The following SNX31 variants were observed in gnomAD, a reference collection of about 807,000 sequenced individuals.
The protein encoded by SNX31 is sorting nexin 31.
A neutral mutation model predicts 65.4 loss-of-function variants in SNX31; 58 were observed. That is an observed-to-expected ratio of 0.89 (90% CI 0.72 to 1.10). SNX31 has a LOEUF of 1.10. Among genes scored for constraint, SNX31 ranks in the 50% least tolerant of loss-of-function variants. SNX31 has a pLI of 0.00. For synonymous variants in SNX31, 181 were observed against 190.1 expected (o/e 0.95, Z 0.39); for missense variants, 523 against 529.7 (o/e 0.99, Z 0.12).
intron 12 of SNX31, among the ~76,000 whole-genome samples, 168 bp downstream of exon 12, chr8:100,583,943 T>C (rs1813788383): frequency 6.6e-6 from 1 of 152,240 alleles, no homozygotes; most frequent in Non-Finnish European, 1.5e-5. Context: ...CCTGCCATCC[T>C]GACCACTGAG....
chr8:100,651,182 T>C (rs2131309569), upstream of SNX31, among the ~76,000 whole-genome samples: 1 of 152,316 alleles, frequency 6.6e-6, no homozygotes, highest in African/African-American at 2.4e-5. Flanking sequence ...GAAATCATGT[T>C]AATAACTCTA....
At position 100,573,826 on chromosome 8, in the gene SNX31, G is replaced by A. The variant is rs764029476; in HGVS notation, c.*39C>T. On this transcript the variant is annotated 3_prime_UTR_variant, in exon 14 of 14. Transcript: ENST00000311812. ...TCCCCAAGTTCTTTCACTGTCTTGA[G>A]ATAGCCTCCAAGGATATTTTAAAAT... 9 of 1,408,688 alleles carry A rather than the reference G, an allele frequency of 6.4e-6. No homozygotes were observed. In the Admixed American group the frequency reaches 1.5e-4, roughly 23 times the overall value. The allele number at this position is 1,408,688 out of a possible 1,614,324, so 87.3% of individuals were successfully genotyped here.
At chr8:100,591,479 A>G (rs1208269179) in intron 10 of SNX31, among the ~76,000 whole-genome samples, 1 of 124,004 alleles carries the variant, frequency 8.1e-6, no homozygotes, top group Non-Finnish European at 1.6e-5. Flanking sequence ...ACAGAGTGAG[A>G]CTCCGTCTCA....
rs1341089528 is a variant in SNX31, at chr8:100,610,122, C to T, written c.612-1559G>A. On this transcript the variant is annotated intron_variant, in intron 7 of 13. Transcript: ENST00000311812. The surrounding 1 kb of genome is among the most constrained non-coding windows in gnomAD (Gnocchi z 4.0). ...TCAGCTCTGACAATAGAAGTGGAAC[C>T]TCCTTTCTTCCCAGTTCCCATCAAC... 6.6e-6 allele frequency among the ~76,000 whole-genome samples: 1 copy of T among 152,200 alleles called. No homozygotes were observed. Among genetic ancestry groups the T allele is most frequent in the East Asian group, 1.9e-4 (1 of 5,200 alleles).
chr8:100,616,844 C>T (rs1040899886), intron 5 of SNX31, among the ~76,000 whole-genome samples: 7 of 152,192 alleles, frequency 4.6e-5, no homozygotes, highest in Admixed American at 6.5e-5. Context: ...AGCACAAGAA[C>T]GTTCTGTCCT....
chr8:100,617,739 A>G lies in SNX31; in HGVS notation c.322-9T>C. 4 of 1,584,806 alleles carry G rather than the reference A, an allele frequency of 2.5e-6. No individual in the cohort carries two copies. Among genetic ancestry groups the G allele is most frequent in the Non-Finnish European group, 3.4e-6 (4 of 1,167,294 alleles). ...GCGATGTCAAATGTATTCTATAAGCAAAAGAAAAGCAAAATAAATTTCCAC... is the reference window on the plus strand; with the variant it reads ...GCGATGTCAAATGTATTCTATAAGCGAAAGAAAAGCAAAATAAATTTCCAC... On this transcript the variant is annotated splice_polypyrimidine_tract_variant and intron_variant, in intron 4 of 13. Coordinates refer to ENST00000311812, the MANE Select transcript of SNX31 (RefSeq NM_152628.4).
chr8:100,618,090 C>G, intron 4 of SNX31: 1 of 985,368 alleles, frequency 1.0e-6, no homozygotes, highest in Non-Finnish European at 1.2e-6. Flanking sequence ...TAAAGCTGCA[C>G]CATTGCAGCA....
chr8:100,596,400 C>T (rs961951133), intron 10 of SNX31, among the ~76,000 whole-genome samples: 2 of 152,072 alleles, frequency 1.3e-5, no homozygotes, highest in Admixed American at 1.3e-4. Flanking sequence ...ACCCTTCAAG[C>T]AGTAGGGAGG....
chr8:100,658,057 T>TA (rs975959626), intron 1 of SNX31, among the ~76,000 whole-genome samples: 5 of 152,048 alleles, frequency 3.3e-5, no homozygotes. Flanking sequence ...TGGGAAGCTT[T>TA]AAAAAAATGC....
intron 10 of SNX31, among the ~76,000 whole-genome samples, chr8:100,591,041 T>C (rs2130864383): frequency 6.6e-6 from 1 of 152,250 alleles, no homozygotes; most frequent in Admixed American, 6.5e-5. Flanking sequence ...TTGGAATTTG[T>C]GGTGCAGAAT....
chr8:100,577,617 G>A (rs1160111711), intron 12 of SNX31, among the ~76,000 whole-genome samples: 1 of 152,208 alleles, frequency 6.6e-6, no homozygotes, highest in Non-Finnish European at 1.5e-5. Context: ...ATGGAGGTGT[G>A]GGCAGGATTA....
intron 1 of SNX31, among the ~76,000 whole-genome samples, chr8:100,661,563 G>T (rs1026993052): frequency 2.2e-4 from 34 of 152,116 alleles, no homozygotes; most frequent in African/African-American, 7.0e-4. Flanking sequence ...TTTTAATCTA[G>T]ATAGGGTCTC....
chr8:100,641,595 T>TATATATATATAC (rs1241411821), intron 2 of SNX31, among the ~76,000 whole-genome samples: 5 of 22,098 alleles, frequency 2.3e-4, no homozygotes, highest in African/African-American at 3.1e-4. Flanking sequence ...TATATATATA[T>TATATATATATAC]ACACATACAC....
chr8:100,655,139 G>A (rs745754894), intron 1 of SNX31, among the ~76,000 whole-genome samples: 15 of 152,152 alleles, frequency 9.9e-5, no homozygotes, highest in East Asian at 3.8e-4. Flanking sequence ...GAAGGGGCAC[G>A]GTGACGTCCG....
chr8:100,621,897 G>A (rs1817722614), intron 4 of SNX31, among the ~76,000 whole-genome samples: 1 of 152,202 alleles, frequency 6.6e-6, no homozygotes, highest in East Asian at 1.9e-4. Flanking sequence ...AGGAAGGAAG[G>A]GCAGGGTCCT....
intron 12 of SNX31, among the ~76,000 whole-genome samples, chr8:100,583,459 G>C (rs1355100296): frequency 1.3e-5 from 2 of 152,026 alleles, no homozygotes; most frequent in Non-Finnish European, 2.9e-5. Flanking sequence ...TCTTGTTTGG[G>C]ACATACTTGT....
chr8:100,661,242 G>A (rs945751292), intron 1 of SNX31, among the ~76,000 whole-genome samples: 81 of 152,262 alleles, frequency 5.3e-4, no homozygotes, highest in African/African-American at 1.9e-3. Context: ...CTGACCTCAG[G>A]TGATCTGCCC....
intron 10 of SNX31, among the ~76,000 whole-genome samples, chr8:100,596,247 C>A (rs973314592): frequency 6.6e-6 from 1 of 152,168 alleles, no homozygotes; most frequent in African/African-American, 2.4e-5. Flanking sequence ...GCTGGCAATG[C>A]AAGCATGATG....
Position 100,596,783 on chromosome 8 carries a change from G to A in SNX31, c.834C>T (p.Thr278=). The A allele has an allele frequency of 6.2e-7, 1 of 1,614,086 alleles. No individual in the cohort carries two copies. The highest frequency in any genetic ancestry group is 8.5e-7 in the Non-Finnish European group (1 of 1,180,020). ...CAGAGCCTGATTCTGGGTAGTCACAGGTACAAGGATCCAGCTGCAGGTATC... is the reference window on the plus strand; with the variant it reads ...CAGAGCCTGATTCTGGGTAGTCACAAGTACAAGGATCCAGCTGCAGGTATC... The part of the protein sequence containing the change: ...HYGYLQLDPC[T]CDYPESGSGA... Residue 278 remains threonine, a synonymous_variant, in exon 10 of 14, where the codon ACC becomes ACT. Coordinates refer to ENST00000311812, the MANE Select transcript of SNX31 (RefSeq NM_152628.4).
Sources: allele counts gnomAD v4.1 joint callset (sites outside exome capture counted in the v4.1 genomes callset), GRCh38; gene constraint gnomAD v4.1.1; non-coding constraint Gnocchi (gnomAD v3.1); transcripts MANE v1.5; gene names NCBI Gene and HGNC (gene_info 2026-07-23, HGNC 2026-07-21).